Variants in AFG2A observed in about 807,000 individuals in gnomAD.
AFG2A encodes ATPase family gene 2 protein homolog A.
At chr4:122,929,064 G>A in the AFG2A span, 1 of 1,613,768 alleles carries the variant, frequency 6.2e-7, no homozygotes, top group Non-Finnish European at 8.5e-7. Flanking sequence ...GCCTATGGCA[G>A]GATTTCCTGG....
chr4:123,301,203 A>C, the AFG2A span, among the ~76,000 whole-genome samples: 1 of 152,184 alleles, frequency 6.6e-6, no homozygotes. Context: ...GTATTCTTAG[A>C]TCCATCTAGA....
chr4:122,927,342 A>C, the AFG2A span, among the ~76,000 whole-genome samples: 32 of 152,304 alleles, frequency 2.1e-4, 1 homozygote, highest in East Asian at 6.2e-3. Flanking sequence ...TCTCTTTTGC[A>C]ATTATGTTTA....
At chr4:123,009,709 GT>G in the AFG2A span, among the ~76,000 whole-genome samples, 2 of 152,120 alleles carry the variant, frequency 1.3e-5, no homozygotes, top group Non-Finnish European at 2.9e-5. Flanking sequence ...CTCAATTTGA[GT>G]TTGGTTGATG....
At chr4:123,083,861 A>G in the AFG2A span, among the ~76,000 whole-genome samples, 107 of 152,166 alleles carry the variant, frequency 7.0e-4, 2 homozygotes, top group East Asian at 0.02. Flanking sequence ...CTCTGCTTCT[A>G]TTTTTTAAAA....
the AFG2A span, among the ~76,000 whole-genome samples, chr4:123,115,408 G>C: frequency 6.6e-6 from 1 of 152,102 alleles, no homozygotes; most frequent in Non-Finnish European, 1.5e-5. Context: ...GGTGGGTGCG[G>C]CGACAGAGTC....
chr4:123,062,444 A>T, the AFG2A span, among the ~76,000 whole-genome samples: 3 of 152,080 alleles, frequency 2.0e-5, no homozygotes, highest in Non-Finnish European at 2.9e-5. Flanking sequence ...GATTTTTTTT[A>T]AAACTATCAT....
At chr4:123,063,438 G>A in the AFG2A span, among the ~76,000 whole-genome samples, 2 of 152,100 alleles carry the variant, frequency 1.3e-5, no homozygotes, top group Non-Finnish European at 2.9e-5. Context: ...GTCCCAAAGT[G>A]ACAATGCATA....
chr4:123,181,837 A>G, the AFG2A span, among the ~76,000 whole-genome samples: 4 of 152,198 alleles, frequency 2.6e-5, no homozygotes, highest in Admixed American at 6.5e-5. Context: ...TGAAGAATTT[A>G]TGAAATACCT....
At chr4:123,205,362 G>A in the AFG2A span, among the ~76,000 whole-genome samples, 2 of 151,864 alleles carry the variant, frequency 1.3e-5, no homozygotes, top group Non-Finnish European at 2.9e-5. Flanking sequence ...AATTATGACA[G>A]TTATTATACA....
At chr4:123,009,019 T>C in the AFG2A span, among the ~76,000 whole-genome samples, 4 of 152,324 alleles carry the variant, frequency 2.6e-5, no homozygotes, top group South Asian at 4.1e-4. Flanking sequence ...GATGATTCAC[T>C]AGAAGGACTC....
At chr4:123,180,736 T>C in the AFG2A span, among the ~76,000 whole-genome samples, 2 of 152,202 alleles carry the variant, frequency 1.3e-5, no homozygotes, top group Non-Finnish European at 2.9e-5. Context: ...TCCTCCTTTA[T>C]AAAGAAGTTT....
At chr4:123,303,192 A>T in the AFG2A span, among the ~76,000 whole-genome samples, 3 of 152,212 alleles carry the variant, frequency 2.0e-5, no homozygotes, top group Admixed American at 6.5e-5. Context: ...ATGCTAGAAC[A>T]ATGAAATAAA....
chr4:123,189,789 C>CCATTTG, the AFG2A span, among the ~76,000 whole-genome samples: 1 of 139,942 alleles, frequency 7.1e-6, no homozygotes, highest in Non-Finnish European at 1.5e-5. Flanking sequence ...TTAATTTAAT[C>CCATTTG]CATTTGCTAA....
At chr4:123,014,253 T>C in the AFG2A span, among the ~76,000 whole-genome samples, 1 of 152,206 alleles carries the variant, frequency 6.6e-6, no homozygotes, top group Non-Finnish European at 1.5e-5. Context: ...CTGGTGATTA[T>C]AGGGAAGTTA....
the AFG2A span, among the ~76,000 whole-genome samples, chr4:123,041,013 G>A: frequency 6.6e-6 from 1 of 151,480 alleles, no homozygotes; most frequent in African/African-American, 2.4e-5. Context: ...TGTATTCTGT[G>A]GTTTGTAGAT....
the AFG2A span, among the ~76,000 whole-genome samples, chr4:123,112,003 G>C: frequency 6.6e-6 from 1 of 152,126 alleles, no homozygotes; most frequent in African/African-American, 2.4e-5. Flanking sequence ...GATTACAGGT[G>C]TGAGCCACCG....
chr4:123,142,400 T>G, the AFG2A span, among the ~76,000 whole-genome samples: 1 of 152,180 alleles, frequency 6.6e-6, no homozygotes, highest in South Asian at 2.1e-4. Flanking sequence ...CCTGGTACTC[T>G]TAAGTTTTGG....
At chr4:123,182,338 A>G in the AFG2A span, among the ~76,000 whole-genome samples, 2 of 152,220 alleles carry the variant, frequency 1.3e-5, no homozygotes, top group Non-Finnish European at 2.9e-5. Flanking sequence ...CTCAGTGGCT[A>G]GTTATCTAAG....
the AFG2A span, chr4:122,927,482 T>C: frequency 1.5e-6 from 1 of 654,118 alleles, no homozygotes; most frequent in East Asian, 3.1e-5. Context: ...ATCTGTTTTG[T>C]TATAACAAAA....
Sources: allele counts gnomAD v4.1 joint callset (sites outside exome capture counted in the v4.1 genomes callset), GRCh38; gene constraint gnomAD v4.1.1; transcripts MANE v1.5; gene names NCBI Gene and HGNC (gene_info 2026-07-23, HGNC 2026-07-21).